Variants in RYR1 observed in about 807,000 individuals in gnomAD.
RYR1 encodes ryanodine receptor 1.
In RYR1, 342 loss-of-function variants were observed where a neutral mutation model predicts 583.5. That is an observed-to-expected ratio of 0.59 (90% CI 0.54 to 0.64). The LOEUF (loss-of-function observed/expected upper bound fraction) is 0.64, where lower values mean the gene tolerates loss of function less well. Among genes scored for constraint, RYR1 ranks in the 30% least tolerant of loss-of-function variants. The pLI, the probability that RYR1 is intolerant of heterozygous loss-of-function variation, is 0.00. For missense variants in RYR1, 6,032 were observed against 6,917.2 expected, an observed-to-expected ratio of 0.87 and a Z score of 4.54; for synonymous variants, 2,791 against 2,822.5, an observed-to-expected ratio of 0.99 and a Z score of 0.35.
At chr19:38,495,758 G>A (rs1255495906) in intron 39 of RYR1, among the ~76,000 whole-genome samples, 1 of 152,074 alleles carries the variant, frequency 6.6e-6, no homozygotes, top group Non-Finnish European at 1.5e-5. Flanking sequence ...TCCCACAGTG[G>A]CTGTAGGAAT....
intron 87 of RYR1, among the ~76,000 whole-genome samples, chr19:38,544,602 A>G (rs1336787884): frequency 6.6e-6 from 1 of 152,178 alleles, no homozygotes; most frequent in Non-Finnish European, 1.5e-5. Flanking sequence ...CCCTACAGGA[A>G]GTGTTTTAGG....
intron 1 of RYR1, among the ~76,000 whole-genome samples, chr19:38,435,167 C>T (rs748331778): frequency 6.6e-6 from 1 of 152,220 alleles, no homozygotes; most frequent in Non-Finnish European, 1.5e-5. Flanking sequence ...GCTGCCCTGT[C>T]TTCTGAGGTA....
chr19:38,475,312 T>G lies in RYR1; in HGVS notation c.4161-6T>G, dbSNP rs55845760. On this transcript the variant is annotated splice_polypyrimidine_tract_variant and splice_region_variant and intron_variant, in intron 28 of 105. Transcript: ENST00000359596. ...GCTCTCATGGCGCCTCTCCTCCCAC[T>G]ACCAGCTTCTTATTCAAGGCCAAGA... is the stretch of plus-strand genomic sequence containing the variant. 1 of 1,574,056 alleles carries G rather than the reference T, an allele frequency of 6.4e-7. No individual in the cohort carries two copies. Among genetic ancestry groups the G allele is most frequent in the Non-Finnish European group, 8.6e-7 (1 of 1,159,826 alleles).
chr19:38,543,214 A>G lies in RYR1; in HGVS notation c.11690-133A>G. On this transcript the variant is annotated intron_variant, in intron 84 of 105. Transcript: ENST00000359596. This position sits in a 1 kb window ranked among gnomAD's most constrained non-coding sequence, Gnocchi z 4.4. ...TAAGTACTTGATAGTTATTAAATAAATTGATGATGATATGCTTTCTGGCAT... is the reference window on the plus strand; with the variant it reads ...TAAGTACTTGATAGTTATTAAATAAGTTGATGATGATATGCTTTCTGGCAT... The G allele has an allele frequency of 1.3e-6, 1 of 778,732 alleles. No individual in the cohort carries two copies. The highest frequency in any genetic ancestry group is 1.4e-5 in the South Asian group (1 of 71,656). The allele number at this position is 778,732 out of a possible 1,614,324, so 48.2% of individuals were successfully genotyped here.
At chr19:38,534,345 G>T (rs185078774) in intron 78 of RYR1, among the ~76,000 whole-genome samples, 1 of 152,222 alleles carries the variant, frequency 6.6e-6, no homozygotes, top group Non-Finnish European at 1.5e-5. Context: ...AAAGCCACAG[G>T]TTCTGCTAAT....
chr19:38,565,555 TGCCAGCGAGGGCGCTGGAGAC>T lies in RYR1; in HGVS notation c.13225_13245del (p.Ser4409_Ala4415del). 6 of 1,482,020 alleles carry T rather than the reference TGCCAGCGAGGGCGCTGGAGAC, an allele frequency of 4.0e-6. No individual in the cohort carries two copies. Among genetic ancestry groups the T allele is most frequent in the Non-Finnish European group, 5.3e-6 (6 of 1,122,850 alleles). The allele number at this position is 1,482,020 out of a possible 1,614,324, so 91.8% of individuals were successfully genotyped here. On this transcript the variant is annotated inframe_deletion, in exon 91 of 106. Transcript: ENST00000359596. The surrounding 1 kb of genome is among the most constrained non-coding windows in gnomAD (Gnocchi z 4.7). ...CGGGCGGAGACGCAGACGGCGAGGG[TGCCAGCGAGGGCGCTGGAGAC>T]GCCGCGGAGGGCGCTGGAGACGAGG...
At position 38,448,865 on chromosome 19, in the gene RYR1, T is replaced by C. The variant is rs4476278; in HGVS notation, c.1122+52T>C. ...GGCTGAGGTGGGAGAATCGCTTGAGTCCAGGAGGTCAAGGCTGCAGTGAGC... is the reference window on the plus strand; with the variant it reads ...GGCTGAGGTGGGAGAATCGCTTGAGCCCAGGAGGTCAAGGCTGCAGTGAGC... On this transcript the variant is annotated intron_variant, in intron 11 of 105. Transcript: ENST00000359596. 1,532,016 of 1,564,548 alleles carry C rather than the reference T, an allele frequency of 0.98. 750,180 individuals carry two copies. Among genetic ancestry groups the C allele is most frequent in the East Asian group, 1 (43,645 of 43,648 alleles).
Position 38,478,460 on chromosome 19 carries a change from GTGTGGGGCGGAGACTT to G in RYR1, c.4485_4500del (p.Trp1495Ter), listed in dbSNP as rs886041511. ...CCTCAAGTGTAGCAACTGCTACATGGTGTGGGGCGGAGACTTTGTGAGTCCCGGGCAGCAGGGCCGG... is the reference window on the plus strand; with the variant it reads ...CCTCAAGTGTAGCAACTGCTACATGGTGTGAGTCCCGGGCAGCAGGGCCGG... On this transcript the variant is annotated frameshift_variant, in exon 31 of 106. Transcript: ENST00000359596. LOFTEE classifies it high-confidence loss of function. The G allele has an allele frequency of 2.5e-6, 4 of 1,613,862 alleles. No individual in the cohort carries two copies. The African/African-American group carries it at 5.3e-5, about 22-fold the overall frequency.
At chr19:38,495,528 G>A (rs1178363275) in intron 39 of RYR1, among the ~76,000 whole-genome samples, 3 of 151,868 alleles carry the variant, frequency 2.0e-5, no homozygotes, top group South Asian at 4.2e-4. Context: ...AAATTTTTTT[G>A]TAGAGGTAGG....
intron 83 of RYR1, chr19:38,537,109 G>A (rs1050672774): frequency 4.6e-6 from 2 of 435,698 alleles, no homozygotes; most frequent in African/African-American, 2.0e-5. Context: ...GTCCCGGTGT[G>A]GAGTGATCCC....
chr19:38,483,106 A>G lies in RYR1; in HGVS notation c.4700A>G (p.Lys1567Arg), dbSNP rs755755514. Residue 1567 changes from lysine to arginine, a missense_variant, in exon 32 of 106, where the codon AAG becomes AGG. This residue lies in a region of RYR1 where 2,627 missense variants were observed against 2,961.3 expected (regional missense o/e 0.89). Transcript: ENST00000359596. The surrounding 1 kb of genome is among the most constrained non-coding windows in gnomAD (Gnocchi z 6.3). ...HQNVIQFELG[K>R]QKNIMPLSAA... ...AACGTCATCCAGTTTGAGCTGGGGAAGCAGAAGGTACAAGTGCAGTGATGG... is the reference window on the plus strand; with the variant it reads ...AACGTCATCCAGTTTGAGCTGGGGAGGCAGAAGGTACAAGTGCAGTGATGG... 2.5e-6 allele frequency: 4 copies of G among 1,613,990 alleles called. No individual in the cohort carries two copies. The highest frequency in any genetic ancestry group is 2.2e-5 in the East Asian group (1 of 44,872).
intron 7 of RYR1, 39 bp from the exon 8 acceptor site, chr19:38,446,433 C>G (rs755405255): frequency 6.7e-7 from 1 of 1,491,166 alleles, no homozygotes; most frequent in Non-Finnish European, 9.4e-7. Flanking sequence ...TCCTGGGGCT[C>G]CAGCCTCCCA....
At chr19:38,494,261 A>AG in intron 38 of RYR1, 91 bp from the exon 39 acceptor site, 2 of 1,517,944 alleles carry the variant, frequency 1.3e-6, no homozygotes, top group Non-Finnish European at 1.8e-6. Context: ...CTTCTGGAAC[A>AG]GGGGGCCCCT....
intron 34 of RYR1, among the ~76,000 whole-genome samples, chr19:38,487,157 C>T (rs1159271907): frequency 6.6e-6 from 1 of 152,068 alleles, no homozygotes; most frequent in African/African-American, 2.4e-5. Flanking sequence ...CAGTTCCCAC[C>T]TACCCTTCAT....
At chr19:38,551,687 T>A (rs531856946) in intron 89 of RYR1, among the ~76,000 whole-genome samples, 67 of 152,210 alleles carry the variant, frequency 4.4e-4, no homozygotes, top group African/African-American at 1.6e-3. Flanking sequence ...TGACTTGTCA[T>A]CTTGGCAGCC....
chr19:38,526,209 A>G (rs1971460046), intron 71 of RYR1, among the ~76,000 whole-genome samples: 2 of 151,820 alleles, frequency 1.3e-5, no homozygotes, highest in African/African-American at 2.4e-5. Flanking sequence ...GATATCAAGG[A>G]GGCCTCCCGG....
intron 9 of RYR1, 41 bp downstream of exon 9, chr19:38,446,809 G>A (rs1426846599): frequency 6.5e-7 from 1 of 1,540,350 alleles, no homozygotes; most frequent in Non-Finnish European, 9.0e-7. Flanking sequence ...GAGAGGCTGG[G>A]GTCACCTGGC....
Position 38,452,888 on chromosome 19 carries a change from G to T in RYR1, c.1314G>T (p.Glu438Asp). ...GPPAGTALPI[E>D]GVILSLQDLI... ...CCGCTGGCACGGCGCTGCCCATCGA[G>T]GGCGTTATCCTGAGCCTGCAGGACC... Residue 438 changes from glutamate to aspartate, a missense_variant, in exon 13 of 106, where the codon GAG (glutamate) becomes GAT (aspartate). Coordinates refer to ENST00000359596, the MANE Select transcript of RYR1 (RefSeq NM_000540.3). The T allele has an allele frequency of 6.2e-7, 1 of 1,612,700 alleles. No homozygotes were observed. Among genetic ancestry groups the T allele is most frequent in the East Asian group, 2.2e-5 (1 of 44,852 alleles).
At chr19:38,489,465 T>G (rs765480125) in intron 35 of RYR1, 22 bp downstream of exon 35, 1 of 1,613,800 alleles carries the variant, frequency 6.2e-7, no homozygotes, top group Non-Finnish European at 8.5e-7. Flanking sequence ...CTTCCTGCTT[T>G]TCGGCCTCTG....
Sources: gnomAD v4.1 joint callset for allele counts (sites outside exome capture counted in the v4.1 genomes callset) on GRCh38, gnomAD v4.1.1 for gene constraint, gnomAD v4.1.1 regional missense constraint, Gnocchi (gnomAD v3.1) non-coding constraint, MANE v1.5 for transcripts, NCBI Gene and HGNC (gene_info 2026-07-23, HGNC 2026-07-21) for gene names.